SCUBE2: variants seen among roughly 807,000 people sequenced by gnomAD.
SCUBE2 encodes signal peptide, CUB and EGF-like domain-containing protein 2.
Under a neutral mutation model 125.9 loss-of-function variants are expected in SCUBE2, and 114 were observed. That is an observed-to-expected ratio of 0.91 (90% CI 0.78 to 1.06). The LOEUF is 1.06. SCUBE2 is among the 50% of genes least tolerant of loss of function. The pLI is 0.00. For synonymous variants in SCUBE2, 459 were observed against 492.9 expected (o/e 0.93, Z 0.91); for missense variants, 1,255 against 1,301.8 (o/e 0.96, Z 0.55).
chr11:9,030,348 G>A (rs1211470613), intron 18 of SCUBE2: 1 of 461,312 alleles, frequency 2.2e-6, no homozygotes, highest in Non-Finnish European at 3.9e-6. Flanking sequence ...TGTGAGTATA[G>A]GGGGCAGGCA....
chr11:9,046,782 A>G (rs1014136105), intron 16 of SCUBE2, among the ~76,000 whole-genome samples: 2 of 152,244 alleles, frequency 1.3e-5, no homozygotes, highest in African/African-American at 4.8e-5. Flanking sequence ...CCTCTTGTAG[A>G]CAGTTACACT....
chr11:9,089,579 A>T lies in SCUBE2; in HGVS notation c.256+128T>A, dbSNP rs1220848673. 5.0e-6 allele frequency: 5 copies of T among 1,000,216 alleles called. No individual in the cohort carries two copies. The African/African-American group carries it at 8.0e-5, about 16-fold the overall frequency. 62.0% of individuals were successfully genotyped at this position (1,000,216 alleles called of 1,614,324 possible). Reference sequence around the variant, plus strand: ...TGAAATATATTTCAGAGAGCAGGTGATGTGATTCAGGGGCTGGGGGAAAGG... The same window carrying T: ...TGAAATATATTTCAGAGAGCAGGTGTTGTGATTCAGGGGCTGGGGGAAAGG... On this transcript the variant is annotated intron_variant, in intron 2 of 22. Coordinates refer to ENST00000649792, the MANE Select transcript of SCUBE2 (RefSeq NM_001367977.2).
At chr11:9,030,597 G>C (rs1170189954) in intron 18 of SCUBE2, among the ~76,000 whole-genome samples, 161 bp downstream of exon 18, 1 of 152,226 alleles carries the variant, frequency 6.6e-6, no homozygotes, top group Non-Finnish European at 1.5e-5. Flanking sequence ...GTGAGTTCCA[G>C]TGCCCCCTGC....
chr11:9,068,455 G>A lies in SCUBE2; in HGVS notation c.643+915C>T, dbSNP rs570101162. On this transcript the variant is annotated intron_variant, in intron 5 of 22. Coordinates refer to ENST00000649792, the MANE Select transcript of SCUBE2 (RefSeq NM_001367977.2). ...GCAGGTACCAGGGGAGGACTGAGAGGAAAAATGAGGCAAGGTCCCTGACTT... is the reference window on the plus strand; with the variant it reads ...GCAGGTACCAGGGGAGGACTGAGAGAAAAAATGAGGCAAGGTCCCTGACTT... Among the ~76,000 whole-genome samples, 5 of 152,282 alleles carry A rather than the reference G, an allele frequency of 3.3e-5. No homozygotes were observed. In the South Asian group the frequency reaches 8.3e-4, roughly 25 times the overall value.
chr11:9,079,541 G>A (rs1471720711), intron 2 of SCUBE2, 32 bp from the exon 3 acceptor site: 7 of 1,605,638 alleles, frequency 4.4e-6, no homozygotes, highest in Admixed American at 1.7e-5. Context: ...AACCAGACAG[G>A]TGCTATTTCT....
At chr11:9,085,773 T>C (rs1862006116) in intron 2 of SCUBE2, among the ~76,000 whole-genome samples, 2 of 151,958 alleles carry the variant, frequency 1.3e-5, no homozygotes, top group Non-Finnish European at 2.9e-5. Flanking sequence ...TATAGCATCT[T>C]GTACAAAGGC....
In SCUBE2 at chr11:9,052,868, C is replaced by T. The variant is rs780127552; in HGVS notation, c.1448-36G>A. The T allele has an allele frequency of 8.1e-6, 12 of 1,478,792 alleles. 1 individual carries two copies. In the Middle Eastern group the frequency reaches 1.0e-3, roughly 127 times the overall value. The allele number at this position is 1,478,792 out of a possible 1,614,324, so 91.6% of individuals were successfully genotyped here. A position where few individuals can be genotyped will look rare whatever the true frequency, so the allele number is the denominator to read the frequency against. On this transcript the variant is annotated intron_variant, in intron 12 of 22. Coordinates refer to ENST00000649792, the MANE Select transcript of SCUBE2 (RefSeq NM_001367977.2). The stretch of plus-strand genomic sequence containing the variant: ...GAATGTCAATTGTCAAATGCATAAG[C>T]AAGGTCACAGGCTATCCTGGTAGCA...
chr11:9,077,302 C>T (rs1199399927), intron 3 of SCUBE2, among the ~76,000 whole-genome samples: 2 of 152,030 alleles, frequency 1.3e-5, no homozygotes, highest in African/African-American at 2.4e-5. Flanking sequence ...TTCCAGTGTG[C>T]GGCCAGAGTT....
chr11:9,032,436 T>C (rs867401809), intron 17 of SCUBE2, among the ~76,000 whole-genome samples: 4 of 152,150 alleles, frequency 2.6e-5, no homozygotes, highest in African/African-American at 9.7e-5. Context: ...TAAATTTTTC[T>C]TAATAAGGTC....
At position 9,079,683 on chromosome 11, in the gene SCUBE2, T is replaced by C. The variant is rs11821497; in HGVS notation, c.257-174A>G. The stretch of plus-strand genomic sequence containing the variant: ...TGCAGTGTTGTTTCTAATGACAAAA[T>C]ACTGTAAACAACCTAAGTTTCCATA... On this transcript the variant is annotated intron_variant, in intron 2 of 22. Transcript: ENST00000649792. Among the ~76,000 whole-genome samples the C allele has an allele frequency of 9.3e-3, 1,417 of 152,166 alleles. 29 individuals are homozygous for C. The highest frequency in any genetic ancestry group is 0.032 in the African/African-American group (1,318 of 41,486).
chr11:9,041,553 G>A (rs893746623), intron 16 of SCUBE2, among the ~76,000 whole-genome samples: 23 of 152,174 alleles, frequency 1.5e-4, no homozygotes, highest in Non-Finnish European at 5.9e-5. Context: ...TTCCAGGAGA[G>A]GGAGTGATCA....
At chr11:9,022,170 C>A (rs1231351673) in intron 21 of SCUBE2, 2 of 520,908 alleles carry the variant, frequency 3.8e-6, no homozygotes, top group Non-Finnish European at 7.0e-6. Context: ...TCCCCGTCCC[C>A]TCTTCCCTCA....
intron 2 of SCUBE2, among the ~76,000 whole-genome samples, chr11:9,088,938 G>T (rs983348399): frequency 6.6e-6 from 1 of 152,162 alleles, no homozygotes; most frequent in East Asian, 1.9e-4. Flanking sequence ...GGCCCTCAGT[G>T]TCCCCATCTG....
chr11:9,042,538 T>C (rs1404185447), intron 16 of SCUBE2, among the ~76,000 whole-genome samples: 3 of 152,228 alleles, frequency 2.0e-5, no homozygotes, highest in African/African-American at 7.2e-5. Context: ...ATTCAGGCTT[T>C]AGCCTCCTTT....
At chr11:9,031,126 G>A (rs1039219446) in intron 17 of SCUBE2, 1 of 552,570 alleles carries the variant, frequency 1.8e-6, no homozygotes, top group Non-Finnish European at 3.2e-6. Flanking sequence ...TTACACACAG[G>A]GCTACACAGC....
chr11:9,059,619 A>C, intron 8 of SCUBE2, 194 bp from the exon 9 acceptor site: 1 of 699,412 alleles, frequency 1.4e-6, no homozygotes, highest in South Asian at 2.5e-5. Flanking sequence ...TTTGAAAGAC[A>C]AGTGTTTCAT....
Position 9,027,490 on chromosome 11 carries a change from G to A in SCUBE2, c.2575C>T (p.Pro859Ser). The A allele has an allele frequency of 6.2e-7, 1 of 1,614,078 alleles. No individual in the cohort carries two copies. The highest frequency in any genetic ancestry group is 8.5e-7 in the Non-Finnish European group (1 of 1,180,006). ...IESPNYPGNYPANTECTWTIN... is the reference protein window; with the variant it reads ...IESPNYPGNYSANTECTWTIN... ...GTCCACGTACACTCGGTGTTGGCTG[G>A]GTAATTGCCTGGGTAGTTTGGGGAT... Residue 859 changes from proline to serine, a missense_variant, in exon 20 of 23, where the codon CCA (proline) becomes TCA (serine). Physicochemically the swap from Pro to Ser is moderately conservative, Grantham distance 74. Transcript: ENST00000649792.
chr11:9,027,193 G>T, intron 20 of SCUBE2, 171 bp downstream of exon 20: 1 of 647,674 alleles, frequency 1.5e-6, no homozygotes, highest in Non-Finnish European at 2.7e-6. Flanking sequence ...ACGCTTCAGT[G>T]TGTGGCTTTC....
intron 5 of SCUBE2, 98 bp from the exon 6 acceptor site, chr11:9,066,911 T>A (rs1165476201): frequency 7.1e-6 from 7 of 989,950 alleles, no homozygotes; most frequent in Non-Finnish European, 1.1e-5. Context: ...TCTGCAAGTA[T>A]TTGAGCACCT....
Sources: gnomAD v4.1 joint callset for allele counts (sites outside exome capture counted in the v4.1 genomes callset) on GRCh38, gnomAD v4.1.1 for gene constraint, MANE v1.5 for transcripts, NCBI Gene and HGNC (gene_info 2026-07-23, HGNC 2026-07-21) for gene names.